Variants in NFIL3 observed in about 807,000 individuals in gnomAD.
The protein encoded by NFIL3 is nuclear factor interleukin-3-regulated protein.
NFIL3 carries 5 observed loss-of-function variants against 10.0 expected under a neutral mutation model. The ratio of observed to expected loss-of-function variants is 0.50; its 90% confidence interval spans 0.26 to 1.06. The LOEUF is 1.06. Among genes scored for constraint, NFIL3 ranks in the 50% least tolerant of loss-of-function variants. NFIL3 has a pLI of 0.13. For missense variants in NFIL3, 436 were observed against 547.6 expected (o/e 0.80, Z 2.03); for synonymous variants, 202 against 206.5 (o/e 0.98, Z 0.19).
At chr9:91,441,257 G>A in the NFIL3 span, among the ~76,000 whole-genome samples, 1 of 151,980 alleles carries the variant, frequency 6.6e-6, no homozygotes, top group African/African-American at 2.4e-5. Context: ...ATTAAATAAT[G>A]ACTTTTTTTG....
the NFIL3 span, among the ~76,000 whole-genome samples, chr9:91,452,716 G>A: frequency 1.3e-3 from 193 of 149,564 alleles, no homozygotes; most frequent in African/African-American, 4.5e-3. Context: ...GAACTCGGGA[G>A]GCGGAGGTTG....
chr9:91,424,069 G>T (rs1158328380), upstream of NFIL3, among the ~76,000 whole-genome samples: 2 of 147,344 alleles, frequency 1.4e-5, no homozygotes, highest in African/African-American at 5.0e-5. Flanking sequence ...GGCCACCGCC[G>T]TCCGAGCGCC....
chr9:91,470,410 A>ATTGTTCTCTCTT, the NFIL3 span, among the ~76,000 whole-genome samples: 1 of 26,712 alleles, frequency 3.7e-5, no homozygotes, highest in South Asian at 1.6e-3. Context: ...TGTCTATTTG[A>ATTGTTCTCTCTT]TTCTTCTCTA....
In NFIL3 at chr9:91,410,274, G is replaced by A. The variant is rs771905983; in HGVS notation, c.461C>T (p.Thr154Ile). 1 of 1,614,210 alleles carries A rather than the reference G, an allele frequency of 6.2e-7. No individual in the cohort carries two copies. Among genetic ancestry groups the A allele is most frequent in the South Asian group, 1.1e-5 (1 of 91,082 alleles). Residue 154 changes from threonine to isoleucine, a missense_variant, in exon 2 of 2, where the codon ACT becomes ATT. Around this residue, in one of 3 missense-constraint regions of NFIL3, gnomAD observed 338 missense variants for 399.9 expected, o/e 0.85. Coordinates refer to ENST00000297689, the MANE Select transcript of NFIL3 (RefSeq NM_005384.3). This position sits in a 1 kb window ranked among gnomAD's most constrained non-coding sequence, Gnocchi z 5.7. The part of the protein sequence containing the change: ...STAVYFQDYQ[T>I]SKSNVSSFVD... Reference sequence around the variant, plus strand: ...AAATGAACTCACATTGGATTTGGAAGTCTGGTAATCTTGAAAGTACACAGC... The same window carrying A: ...AAATGAACTCACATTGGATTTGGAAATCTGGTAATCTTGAAAGTACACAGC...
chr9:91,471,505 T>C, the NFIL3 span, among the ~76,000 whole-genome samples: 1 of 149,304 alleles, frequency 6.7e-6, no homozygotes, highest in Non-Finnish European at 1.5e-5. Context: ...TTTTTTTTAC[T>C]TTTTTTAAAA....
At chr9:91,421,063 C>G (rs1357200255) in intron 1 of NFIL3, among the ~76,000 whole-genome samples, 1 of 152,174 alleles carries the variant, frequency 6.6e-6, no homozygotes, top group Non-Finnish European at 1.5e-5. Flanking sequence ...TGGAGACGCG[C>G]TTGGTTCCGA....
chr9:91,437,748 A>G, the NFIL3 span, among the ~76,000 whole-genome samples: 1 of 152,180 alleles, frequency 6.6e-6, no homozygotes, highest in East Asian at 1.9e-4. Context: ...CCACATGTAA[A>G]TGAGATCATG....
chr9:91,463,385 A>C, the NFIL3 span, among the ~76,000 whole-genome samples: 122 of 151,546 alleles, frequency 8.1e-4, no homozygotes, highest in African/African-American at 2.8e-3. Context: ...GATAGGTTGT[A>C]ATTTTATTTA....
At chr9:91,425,048 C>T (rs556835715), upstream of NFIL3, among the ~76,000 whole-genome samples, 1 of 152,322 alleles carries the variant, frequency 6.6e-6, no homozygotes, top group South Asian at 2.1e-4. Flanking sequence ...GCGAAGGGAG[C>T]CATGTTCCCG....
chr9:91,424,350 G>T (rs1833840094), upstream of NFIL3, among the ~76,000 whole-genome samples: 1 of 151,934 alleles, frequency 6.6e-6, no homozygotes, highest in South Asian at 2.1e-4. Context: ...GCGGCTACCC[G>T]GGCGTGGCCC....
the NFIL3 span, among the ~76,000 whole-genome samples, chr9:91,482,071 C>T: frequency 2.6e-5 from 4 of 152,064 alleles, no homozygotes; most frequent in Non-Finnish European, 2.9e-5. Flanking sequence ...CAGGAATAAC[C>T]GCAACTGTTT....
chr9:91,469,008 C>T, the NFIL3 span, among the ~76,000 whole-genome samples: 13 of 152,100 alleles, frequency 8.5e-5, no homozygotes, highest in Non-Finnish European at 5.9e-5. Flanking sequence ...ATTGTCTTGG[C>T]AATGTGGGCT....
the NFIL3 span, among the ~76,000 whole-genome samples, chr9:91,436,621 A>AC: frequency 0.061 from 8,115 of 133,638 alleles, 423 homozygotes; most frequent in African/African-American, 0.16. Flanking sequence ...AACAACAACA[A>AC]AGAGTTGAAG....
chr9:91,441,776 G>T, the NFIL3 span, among the ~76,000 whole-genome samples: 1 of 152,102 alleles, frequency 6.6e-6, no homozygotes, highest in Non-Finnish European at 1.5e-5. Context: ...AAAAACTCTA[G>T]ACTTTTACCC....
the NFIL3 span, among the ~76,000 whole-genome samples, chr9:91,454,723 T>G: frequency 6.6e-6 from 1 of 152,004 alleles, no homozygotes; most frequent in Admixed American, 6.6e-5. Context: ...TCCCAGCTAC[T>G]GGGGAGGCTG....
Position 91,410,250 on chromosome 9 carries a change from A to G in NFIL3, c.485T>C (p.Phe162Ser), listed in dbSNP as rs754999202. ...YQTSKSNVSS[F>S]VDEHEPSMVS... ...CATCGAGGGTTCGTGCTCGTCCACA[A>G]ATGAACTCACATTGGATTTGGAAGT... The change falls in exon 2 of 2, where the codon TTT becomes TCT. Residue 162 changes from phenylalanine to serine, a missense_variant. Transcript: ENST00000297689. This position sits in a 1 kb window ranked among gnomAD's most constrained non-coding sequence, Gnocchi z 5.7. 4 of 1,614,068 alleles carry G rather than the reference A, an allele frequency of 2.5e-6. No homozygotes were observed. The African/African-American group carries it at 4.0e-5, about 16-fold the overall frequency.
chr9:91,427,809 T>A (rs578079853), upstream of NFIL3, among the ~76,000 whole-genome samples: 43 of 151,938 alleles, frequency 2.8e-4, 1 homozygote, highest in Admixed American at 6.6e-5. Context: ...CCTGGCTAAT[T>A]TTTTAATTTT....
the NFIL3 span, among the ~76,000 whole-genome samples, chr9:91,428,974 T>C: frequency 1.3e-5 from 2 of 152,210 alleles, no homozygotes; most frequent in Non-Finnish European, 2.9e-5. Context: ...ATCGTGTTCA[T>C]TGCAAAATCT....
chr9:91,471,774 A>G, the NFIL3 span, among the ~76,000 whole-genome samples: 1 of 152,178 alleles, frequency 6.6e-6, no homozygotes, highest in Non-Finnish European at 1.5e-5. Context: ...TTTGCGCATT[A>G]GTTGATGCAG....
Sources: gnomAD v4.1 joint callset for allele counts (sites outside exome capture counted in the v4.1 genomes callset) on GRCh38, gnomAD v4.1.1 for gene constraint, gnomAD v4.1.1 regional missense constraint, Gnocchi (gnomAD v3.1) non-coding constraint, MANE v1.5 for transcripts, NCBI Gene and HGNC (gene_info 2026-07-23, HGNC 2026-07-21) for gene names.